The following AIRIM variants were observed in gnomAD, a reference collection of about 807,000 sequenced individuals.
The protein encoded by AIRIM is AFG2 interacting ribosome maturation factor.
At chr1:37,687,059 AGTGTGTGTGTGTG>A in the AIRIM span, among the ~76,000 whole-genome samples, 5 of 141,402 alleles carry the variant, frequency 3.5e-5, no homozygotes, top group East Asian at 8.5e-4. Flanking sequence ...CCGTCTCAAA[AGTGTGTGTGTGTG>A]TGTGTGTGTG....
the AIRIM span, among the ~76,000 whole-genome samples, chr1:37,688,965 CAAA>C: frequency 9.4e-5 from 10 of 106,304 alleles, no homozygotes; most frequent in Admixed American, 1.0e-4. Context: ...GACCCTGTCT[CAAA>C]AAAAAAAAAA....
chr1:37,686,424 C>T, the AIRIM span: 1 of 1,613,938 alleles, frequency 6.2e-7, no homozygotes, highest in Non-Finnish European at 8.5e-7. Flanking sequence ...TGGCTGCTGA[C>T]CATGTCTCGC....
chr1:37,689,666 C>T, the AIRIM span: 4 of 1,613,824 alleles, frequency 2.5e-6, no homozygotes, highest in Admixed American at 5.0e-5. Flanking sequence ...ACGCCTCAGC[C>T]GCTCTTTTAA....
At chr1:37,684,801 G>A in the AIRIM span, among the ~76,000 whole-genome samples, 1 of 152,142 alleles carries the variant, frequency 6.6e-6, no homozygotes, top group African/African-American at 2.4e-5. Context: ...AAAAGTTGGG[G>A]TTTGGGAATT....
chr1:37,689,953 G>A, the AIRIM span: 4 of 1,475,170 alleles, frequency 2.7e-6, no homozygotes, highest in East Asian at 2.3e-5. Flanking sequence ...GCACTGGGTC[G>A]AGGGTGGGCG....
the AIRIM span, chr1:37,689,992 G>A: frequency 1.4e-6 from 2 of 1,442,918 alleles, no homozygotes; most frequent in African/African-American, 1.4e-5. Flanking sequence ...TCAGACAGGA[G>A]TTGTCTCACC....
At chr1:37,682,976 T>C in the AIRIM span, 1 of 804,172 alleles carries the variant, frequency 1.2e-6, no homozygotes, top group Admixed American at 2.6e-5. Flanking sequence ...TAGGCGCTAA[T>C]CCTCCCCAAG....
At chr1:37,687,174 C>T in the AIRIM span, among the ~76,000 whole-genome samples, 1 of 151,548 alleles carries the variant, frequency 6.6e-6, no homozygotes, top group Non-Finnish European at 1.5e-5. Context: ...GTCGCCCAGG[C>T]TGGAGTGCAA....
chr1:37,689,114 G>A, the AIRIM span, among the ~76,000 whole-genome samples: 1 of 152,150 alleles, frequency 6.6e-6, no homozygotes, highest in Non-Finnish European at 1.5e-5. Context: ...TTTGTGTCAG[G>A]CACACTTGAG....
the AIRIM span, among the ~76,000 whole-genome samples, chr1:37,685,042 A>G: frequency 2.0e-5 from 3 of 152,028 alleles, no homozygotes; most frequent in Non-Finnish European, 4.4e-5. Flanking sequence ...GCTTCAACTA[A>G]CTGGTCTTTC....
At chr1:37,684,611 C>T in the AIRIM span, among the ~76,000 whole-genome samples, 5,478 of 152,260 alleles carry the variant, frequency 0.036, 328 homozygotes, top group African/African-American at 0.12. Flanking sequence ...AAGAGCAAAA[C>T]TCTGTCTCAA....
At chr1:37,691,859 C>T in the AIRIM span, among the ~76,000 whole-genome samples, 1 of 152,226 alleles carries the variant, frequency 6.6e-6, no homozygotes, top group Non-Finnish European at 1.5e-5. Context: ...GTGGCCGGCC[C>T]GCGGGGGAGC....
the AIRIM span, among the ~76,000 whole-genome samples, chr1:37,689,255 T>C: frequency 1.3e-5 from 2 of 152,168 alleles, no homozygotes; most frequent in Non-Finnish European, 2.9e-5. Context: ...TAACGTAATA[T>C]ACATAAACCC....
the AIRIM span, among the ~76,000 whole-genome samples, chr1:37,687,446 T>A: frequency 6.8e-6 from 1 of 147,964 alleles, no homozygotes; most frequent in South Asian, 2.1e-4. Context: ...TATATTTTTT[T>A]TTAATTAAAA....
the AIRIM span, chr1:37,686,326 A>G: frequency 5.0e-6 from 8 of 1,614,078 alleles, no homozygotes; most frequent in Non-Finnish European, 6.8e-6. Flanking sequence ...TGTCAGCCAC[A>G]GAGGGGCTCA....
chr1:37,690,231 C>A, the AIRIM span: 3 of 1,267,712 alleles, frequency 2.4e-6, no homozygotes, highest in South Asian at 3.7e-5. Context: ...GTGATCCGCC[C>A]GCCTCGGTCT....
At chr1:37,684,709 A>G in the AIRIM span, among the ~76,000 whole-genome samples, 1 of 152,352 alleles carries the variant, frequency 6.6e-6, no homozygotes, top group Non-Finnish European at 1.5e-5. Flanking sequence ...GAGGAGTTCA[A>G]TTTTAAACTT....
chr1:37,685,665 GGT>G, the AIRIM span, among the ~76,000 whole-genome samples: 1 of 152,144 alleles, frequency 6.6e-6, no homozygotes, highest in East Asian at 1.9e-4. Context: ...TGGGATTACA[GGT>G]GTGAGCCACC....
the AIRIM span, among the ~76,000 whole-genome samples, chr1:37,685,201 G>GC: frequency 8.8e-5 from 11 of 125,530 alleles, no homozygotes; most frequent in East Asian, 3.3e-3. Context: ...TTGGGGGGGG[G>GC]GGGTGGGCGG....
Sources: allele counts gnomAD v4.1 joint callset (sites outside exome capture counted in the v4.1 genomes callset), GRCh38; gene constraint gnomAD v4.1.1; transcripts MANE v1.5; gene names NCBI Gene and HGNC (gene_info 2026-07-23, HGNC 2026-07-21).